Variants in C12orf42 observed in about 807,000 individuals in gnomAD.
C12orf42 encodes the protein chromosome 12 open reading frame 42, also known as uncharacterized protein C12orf42.
Under a neutral mutation model 21.6 loss-of-function variants are expected in C12orf42, and 25 were observed. The observed-to-expected ratio is 1.16, with a 90% confidence interval of 0.84 to 1.62. The LOEUF is 1.62. Among genes scored for constraint, C12orf42 ranks in the 40% most tolerant of loss-of-function variants. The pLI, the probability that C12orf42 is intolerant of heterozygous loss-of-function variation, is 0.00. For synonymous variants in C12orf42, 174 were observed against 175.0 expected (o/e 0.99, Z 0.05); for missense variants, 483 against 459.3 (o/e 1.05, Z -0.47).
the C12orf42 span, chr12:103,557,577 A>C: frequency 6.6e-6 from 1 of 152,140 alleles, no homozygotes; most frequent in African/African-American, 2.4e-5. Context: ...TCCCTCAAGC[A>C]GTGTTGGACT....
At chr12:103,212,142 T>C in the C12orf42 span, among the ~76,000 whole-genome samples, 1 of 152,192 alleles carries the variant, frequency 6.6e-6, no homozygotes, top group Non-Finnish European at 1.5e-5. Context: ...TAACCATGTG[T>C]TACCTTTTTA....
intron 4 of C12orf42, among the ~76,000 whole-genome samples, chr12:103,348,111 T>C (rs1566124297): frequency 1.3e-5 from 2 of 152,196 alleles, no homozygotes; most frequent in Non-Finnish European, 2.9e-5. Context: ...CTCCTATGTA[T>C]TATGCACACT....
chr12:103,306,393 G>C lies in C12orf42; in HGVS notation c.260-48C>G, dbSNP rs766883811. 3.5e-5 allele frequency: 54 copies of C among 1,521,518 alleles called. 1 individual carries two copies. The South Asian group carries it at 7.1e-4, about 20-fold the overall frequency. 94.3% of individuals were successfully genotyped at this position (1,521,518 alleles called of 1,614,324 possible). On this transcript the variant is annotated intron_variant, in intron 4 of 5. Transcript: ENST00000548883. ...TTTGAAAAATTCACCAAAAACACCT[G>C]CTAAATTAATGGCAGGAAGGATGGA...
chr12:103,202,135 C>T, the C12orf42 span, among the ~76,000 whole-genome samples: 1 of 152,168 alleles, frequency 6.6e-6, no homozygotes, highest in African/African-American at 2.4e-5. Flanking sequence ...TTCTCTAAAC[C>T]TACGATTTCC....
chr12:103,160,806 A>G, the C12orf42 span, among the ~76,000 whole-genome samples: 1 of 152,200 alleles, frequency 6.6e-6, no homozygotes, highest in Non-Finnish European at 1.5e-5. Context: ...GGCTATCTAG[A>G]CATACCAACA....
chr12:103,547,983 A>T, the C12orf42 span: 2 of 152,230 alleles, frequency 1.3e-5, no homozygotes, highest in African/African-American at 4.8e-5. Context: ...TTAGACAGTA[A>T]GATAATCCAC....
chr12:103,185,817 G>A, the C12orf42 span, among the ~76,000 whole-genome samples: 11 of 152,214 alleles, frequency 7.2e-5, no homozygotes, highest in Non-Finnish European at 1.2e-4. Context: ...ACCTCCCGCC[G>A]TGATTCTGAG....
chr12:103,511,588 T>G, the C12orf42 span, among the ~76,000 whole-genome samples: 1 of 152,080 alleles, frequency 6.6e-6, no homozygotes, highest in Non-Finnish European at 1.5e-5. Context: ...CCTCCTAACC[T>G]CTAACTCTGT....
intron 4 of C12orf42, among the ~76,000 whole-genome samples, chr12:103,344,884 G>A (rs1008719906): frequency 6.6e-6 from 1 of 152,206 alleles, no homozygotes; most frequent in African/African-American, 2.4e-5. Flanking sequence ...TGAACTGGGA[G>A]AAGTGACATG....
intron 3 of C12orf42, among the ~76,000 whole-genome samples, chr12:103,379,418 C>G (rs777139096): frequency 6.6e-6 from 1 of 152,018 alleles, no homozygotes; most frequent in African/African-American, 2.4e-5. Context: ...GACCATCACA[C>G]GCTTCTAACT....
chr12:103,530,094 G>A, the C12orf42 span, among the ~76,000 whole-genome samples: 4 of 152,312 alleles, frequency 2.6e-5, no homozygotes, highest in African/African-American at 7.2e-5. Context: ...TCTTTACACA[G>A]CTAGTGGAGA....
chr12:103,220,271 A>G, the C12orf42 span, among the ~76,000 whole-genome samples: 59 of 152,226 alleles, frequency 3.9e-4, no homozygotes, highest in East Asian at 7.5e-3. Flanking sequence ...GGGGTGGGAT[A>G]GCATTAGGAG....
chr12:103,109,424 T>A, the C12orf42 span, among the ~76,000 whole-genome samples: 1 of 152,008 alleles, frequency 6.6e-6, no homozygotes. Context: ...ACATTGTAGA[T>A]CACTGGAGAG....
the C12orf42 span, among the ~76,000 whole-genome samples, chr12:103,201,506 A>T: frequency 3.3e-5 from 5 of 150,120 alleles, no homozygotes; most frequent in African/African-American, 7.4e-5. Context: ...AATGAAAATT[A>T]AAAAAAAAAG....
At chr12:103,217,634 C>T in the C12orf42 span, among the ~76,000 whole-genome samples, 1 of 152,236 alleles carries the variant, frequency 6.6e-6, no homozygotes, top group East Asian at 1.9e-4. Flanking sequence ...CACATCTCCC[C>T]ATGCTGTGCC....
At chr12:103,204,740 T>C in the C12orf42 span, among the ~76,000 whole-genome samples, 1 of 152,096 alleles carries the variant, frequency 6.6e-6, no homozygotes, top group Non-Finnish European at 1.5e-5. Flanking sequence ...AAACTGAAGG[T>C]CACAGCATTT....
chr12:103,278,837 C>G (rs1034392801), intron 4 of C12orf42, among the ~76,000 whole-genome samples: 5 of 152,254 alleles, frequency 3.3e-5, no homozygotes, highest in Non-Finnish European at 7.3e-5. Flanking sequence ...TGTAAGTGCA[C>G]CTGACAGCCA....
chr12:103,090,215 A>T, the C12orf42 span, among the ~76,000 whole-genome samples: 4 of 152,304 alleles, frequency 2.6e-5, no homozygotes, highest in African/African-American at 9.6e-5. Flanking sequence ...CCACAGCATG[A>T]TCTCAATCAG....
intron 4 of C12orf42, among the ~76,000 whole-genome samples, chr12:103,290,649 TAATG>T (rs1242742615): frequency 6.6e-6 from 1 of 152,182 alleles, no homozygotes; most frequent in Non-Finnish European, 1.5e-5. Context: ...GAGGATTAAT[TAATG>T]GACAGTTTGG....
Sources: gnomAD v4.1 joint callset for allele counts (sites outside exome capture counted in the v4.1 genomes callset) on GRCh38, gnomAD v4.1.1 for gene constraint, MANE v1.5 for transcripts, NCBI Gene and HGNC (gene_info 2026-07-23, HGNC 2026-07-21) for gene names.